VIT: variants seen among roughly 807,000 people sequenced by gnomAD.
VIT encodes the protein vitrin.
In VIT, 99 loss-of-function variants were observed where a neutral mutation model predicts 78.0. The ratio of observed to expected loss-of-function variants is 1.27; its 90% CI spans 1.08 to 1.50. The LOEUF is 1.50. Among genes scored for constraint, VIT ranks in the 40% most tolerant of loss-of-function variants. VIT has a pLI of 0.00. For missense variants in VIT, 1,126 were observed against 875.3 expected, an observed-to-expected ratio of 1.29 and a Z score of -3.61; for synonymous variants, 374 against 334.3, an observed-to-expected ratio of 1.12 and a Z score of -1.29.
intron 2 of VIT, among the ~76,000 whole-genome samples, chr2:36,721,001 A>G (rs1340783689): frequency 4.8e-5 from 7 of 144,648 alleles, no homozygotes; most frequent in Admixed American, 6.8e-5. Context: ...CAACAGCGAG[A>G]CTCCATCTCA....
At chr2:36,738,015 G>A (rs576672089) in intron 3 of VIT, among the ~76,000 whole-genome samples, 2 of 152,132 alleles carry the variant, frequency 1.3e-5, no homozygotes, top group Non-Finnish European at 2.9e-5. Flanking sequence ...AGAAATAACG[G>A]GAAAACAGTA....
At chr2:36,761,171 C>G (rs1370525901) in intron 6 of VIT, among the ~76,000 whole-genome samples, 1 of 152,188 alleles carries the variant, frequency 6.6e-6, no homozygotes, top group African/African-American at 2.4e-5. Context: ...AATAAGATGC[C>G]CACCTGCCCT....
At chr2:36,715,224 G>C (rs773086608) in intron 1 of VIT, among the ~76,000 whole-genome samples, 1 of 152,150 alleles carries the variant, frequency 6.6e-6, no homozygotes, top group Non-Finnish European at 1.5e-5. Flanking sequence ...AAGAGCCCCA[G>C]GTGATGAGTA....
chr2:36,731,704 T>C (rs1257565145), intron 3 of VIT, among the ~76,000 whole-genome samples: 2 of 152,226 alleles, frequency 1.3e-5, no homozygotes, highest in Non-Finnish European at 2.9e-5. Context: ...ACTCAAATAT[T>C]GTAAGCACAC....
intron 3 of VIT, among the ~76,000 whole-genome samples, chr2:36,730,195 C>T (rs867049559): frequency 3.3e-5 from 5 of 150,984 alleles, no homozygotes; most frequent in East Asian, 1.9e-4. Flanking sequence ...GGCTGAGGCA[C>T]GAGAATCACT....
chr2:36,758,256 G>A (rs78894462), intron 5 of VIT, among the ~76,000 whole-genome samples: 1,732 of 152,310 alleles, frequency 0.011, 43 homozygotes, highest in African/African-American at 0.04. Context: ...AAATTCAACC[G>A]TTACCAAGTC....
intron 12 of VIT, among the ~76,000 whole-genome samples, chr2:36,800,637 GCCTCCACAC>G (rs539810395): frequency 6.6e-6 from 1 of 152,224 alleles, no homozygotes; most frequent in Non-Finnish European, 1.5e-5. Flanking sequence ...CCTCCTGCAC[GCCTCCACAC>G]CCTCCACTCC....
At chr2:36,783,191 C>T (rs1015058056) in intron 10 of VIT, 149 bp from the exon 11 acceptor site, 1 of 581,078 alleles carries the variant, frequency 1.7e-6, no homozygotes. Context: ...TTATTTTTCT[C>T]AGGATGGGGG....
At chr2:36,740,495 C>T (rs1345933411) in intron 3 of VIT, among the ~76,000 whole-genome samples, 2 of 152,168 alleles carry the variant, frequency 1.3e-5, no homozygotes, top group Non-Finnish European at 2.9e-5. Flanking sequence ...TTCACTCTCT[C>T]CAGCTTAATT....
At chr2:36,715,492 C>T (rs1314741433) in intron 1 of VIT, among the ~76,000 whole-genome samples, 2 of 151,204 alleles carry the variant, frequency 1.3e-5, no homozygotes, top group Non-Finnish European at 2.9e-5. Flanking sequence ...GCCGAGATCA[C>T]ACCACTGTAC....
intron 13 of VIT, among the ~76,000 whole-genome samples, chr2:36,803,710 G>C (rs1666496547): frequency 6.6e-6 from 1 of 152,168 alleles, no homozygotes; most frequent in African/African-American, 2.4e-5. Context: ...TGACAAGTAA[G>C]ATAATACCAG....
At chr2:36,801,533 C>T (rs868759472) in intron 13 of VIT, 129 bp downstream of exon 13, 5 of 834,794 alleles carry the variant, frequency 6.0e-6, no homozygotes, top group African/African-American at 1.7e-5. Flanking sequence ...TCTGGTCGGG[C>T]GTGGTGGTTC....
intron 13 of VIT, among the ~76,000 whole-genome samples, chr2:36,804,833 A>G (rs767739403): frequency 1.3e-4 from 17 of 134,310 alleles, no homozygotes; most frequent in South Asian, 1.1e-3. Context: ...TGTCTCAGGG[A>G]AAAAAAAAAA....
At chr2:36,784,694 A>G (rs74621165) in intron 11 of VIT, among the ~76,000 whole-genome samples, 3,112 of 152,346 alleles carry the variant, frequency 0.02, 117 homozygotes, top group African/African-American at 0.07. Context: ...CATAGATACT[A>G]TATCTTACTT....
At chr2:36,746,778 G>A (rs1033246552) in intron 4 of VIT, among the ~76,000 whole-genome samples, 6 of 151,878 alleles carry the variant, frequency 4.0e-5, no homozygotes, top group Non-Finnish European at 8.8e-5. Context: ...GTTTTATATG[G>A]ATTTTCACAA....
chr2:36,716,869 C>CTTTTT (rs557873230), intron 2 of VIT, among the ~76,000 whole-genome samples: 13 of 78,674 alleles, frequency 1.7e-4, no homozygotes, highest in East Asian at 4.1e-4. Flanking sequence ...AGAGATGATT[C>CTTTTT]TTTTTTTTTT....
At chr2:36,808,071 G>A (rs11892193) in intron 14 of VIT, among the ~76,000 whole-genome samples, 7 of 152,172 alleles carry the variant, frequency 4.6e-5, no homozygotes, top group Admixed American at 2.0e-4. Context: ...TCTCTTTTCC[G>A]AACTGGAATA....
chr2:36,705,498 C>G (rs192296315), intron 1 of VIT, among the ~76,000 whole-genome samples: 11 of 152,242 alleles, frequency 7.2e-5, no homozygotes, highest in Admixed American at 6.5e-4. Context: ...AAACACAAGA[C>G]CAAAAAAGGC....
At chr2:36,809,607 G>A (rs1006174877) in intron 15 of VIT, among the ~76,000 whole-genome samples, 24 of 152,058 alleles carry the variant, frequency 1.6e-4, no homozygotes, top group African/African-American at 5.8e-4. Flanking sequence ...TAGTAGAGAT[G>A]GGATTTCGCC....
Sources: allele counts gnomAD v4.1 joint callset (sites outside exome capture counted in the v4.1 genomes callset), GRCh38; gene constraint gnomAD v4.1.1; transcripts MANE v1.5; gene names NCBI Gene and HGNC (gene_info 2026-07-23, HGNC 2026-07-21).